The following ITPR1 variants were observed in gnomAD, a reference collection of about 807,000 sequenced individuals.
ITPR1 encodes the protein inositol 1,4,5-trisphosphate receptor type 1, also known as inositol 1,4,5-trisphosphate-gated calcium channel ITPR1.
ITPR1 carries 96 observed loss-of-function variants against 318.4 expected under a neutral mutation model. That is an observed-to-expected ratio of 0.30 (90% CI 0.26 to 0.36). ITPR1 has a LOEUF of 0.36. Ranked by LOEUF, ITPR1 falls within the 10% of genes least tolerant of loss-of-function variation. The probability of loss-of-function intolerance (pLI) is 1.00; values close to 1 mark genes in which losing one functional copy is unlikely to be tolerated. For missense variants in ITPR1, 2,440 were observed against 3,460.2 expected, an observed-to-expected ratio of 0.71 and a Z score of 7.40; for synonymous variants, 1,312 against 1,289.9, an observed-to-expected ratio of 1.02 and a Z score of -0.37.
rs114137259 is a variant in ITPR1 at position 4,814,101 on chromosome 3, G to A, written c.7562-322G>A. 4.1e-3 allele frequency among the ~76,000 whole-genome samples: 618 copies of A among 152,268 alleles called. 3 individuals carry two copies. The highest frequency in any genetic ancestry group is 0.014 in the African/African-American group (581 of 41,548). ...CAAGAGGCCTGTGACTCAGAGTTGC[G>A]AAGCAACTCATCTGACATGAAAAGA... On this transcript the variant is annotated intron_variant, in intron 57 of 61. Coordinates refer to ENST00000649015, the MANE Select transcript of ITPR1 (RefSeq NM_001378452.1).
intron 4 of ITPR1, among the ~76,000 whole-genome samples, chr3:4,611,232 A>C (rs867851331): frequency 0.015 from 1,296 of 86,344 alleles, 24 homozygotes; most frequent in African/African-American, 0.13. Context: ...TCATCTCTAC[A>C]AAAAAAAAAA....
In ITPR1 at chr3:4,846,208, C is replaced by G; in HGVS notation, c.8260C>G (p.Pro2754Ala). 1 of 1,559,378 alleles carries G rather than the reference C, an allele frequency of 6.4e-7. No homozygotes were observed. The highest frequency in any genetic ancestry group is 8.7e-7 in the Non-Finnish European group (1 of 1,149,144). Reference sequence around the variant, plus strand: ...ACATCCTCCTCACATGAATGTCAACCCACAACAACCAGCATAAGCAAATGA... The same window carrying G: ...ACATCCTCCTCACATGAATGTCAACGCACAACAACCAGCATAAGCAAATGA... ...LGHPPHMNVN[P>A]QQPA is the part of the protein sequence containing the mutation. The change falls in exon 62 of 62, where the codon CCA becomes GCA. Residue 2754 changes from proline to alanine, a missense_variant. Physicochemically the swap from Pro to Ala is conservative, Grantham distance 27. Around this residue, in one of 23 missense-constraint regions of ITPR1, gnomAD observed 63 missense variants for 63.4 expected, o/e 0.99. Transcript: ENST00000649015.
intron 40 of ITPR1, among the ~76,000 whole-genome samples, chr3:4,721,820 T>C (rs181287004): frequency 1.3e-3 from 192 of 152,338 alleles, no homozygotes; most frequent in Middle Eastern, 3.4e-3. Flanking sequence ...CCGCGATCTG[T>C]GCTGGTCTGT....
chr3:4,821,162 G>A (rs1234372131), intron 60 of ITPR1, among the ~76,000 whole-genome samples: 2 of 152,262 alleles, frequency 1.3e-5, no homozygotes, highest in Non-Finnish European at 2.9e-5. Context: ...GGCAGAGATG[G>A]AAGGAAAAGC....
At chr3:4,838,853 TG>T (rs1681423727) in intron 61 of ITPR1, among the ~76,000 whole-genome samples, 4 of 152,206 alleles carry the variant, frequency 2.6e-5, no homozygotes, top group Admixed American at 2.6e-4. Flanking sequence ...AAACTATTAA[TG>T]GGCATTCTGT....
intron 29 of ITPR1, 101 bp from the exon 30 acceptor site, chr3:4,684,968 C>T: frequency 8.8e-7 from 1 of 1,139,710 alleles, no homozygotes; most frequent in Admixed American, 2.2e-5. Flanking sequence ...GTTTTTAATG[C>T]ATTATAATCC....
At chr3:4,535,286 A>G (rs968837279) in intron 4 of ITPR1, among the ~76,000 whole-genome samples, 9 of 152,142 alleles carry the variant, frequency 5.9e-5, no homozygotes, top group African/African-American at 2.2e-4. Context: ...GCAAAATAAA[A>G]CATTCAGCAT....
At chr3:4,701,142 G>A (rs1394464571) in intron 35 of ITPR1, among the ~76,000 whole-genome samples, 1 of 152,284 alleles carries the variant, frequency 6.6e-6, no homozygotes, top group African/African-American at 2.4e-5. Flanking sequence ...TTTGTACACT[G>A]AGGTGTCAAA....
intron 34 of ITPR1, among the ~76,000 whole-genome samples, chr3:4,698,056 G>T (rs1031434641): frequency 7.2e-5 from 11 of 151,744 alleles, no homozygotes; most frequent in African/African-American, 2.4e-4. Context: ...ACTTCATTTG[G>T]TTTTGCATTG....
At chr3:4,587,092 C>T (rs2089982557) in intron 4 of ITPR1, among the ~76,000 whole-genome samples, 1 of 152,066 alleles carries the variant, frequency 6.6e-6, no homozygotes. Context: ...CTGGAGATTT[C>T]GACGACCGGC....
intron 3 of ITPR1, among the ~76,000 whole-genome samples, chr3:4,518,143 T>A (rs933038116): frequency 6.6e-6 from 1 of 152,110 alleles, no homozygotes; most frequent in African/African-American, 2.4e-5. Flanking sequence ...CCAGCTTCCT[T>A]GTCTGCCCGC....
At chr3:4,650,644 T>TGC (rs57689430) in intron 10 of ITPR1, among the ~76,000 whole-genome samples, 41 of 26,540 alleles carry the variant, frequency 1.5e-3, no homozygotes, top group Middle Eastern at 0.033. Flanking sequence ...TGTGTGTGTG[T>TGC]GCGCGCGTCT....
At chr3:4,593,746 A>G (rs2090578101) in intron 4 of ITPR1, among the ~76,000 whole-genome samples, 1 of 152,242 alleles carries the variant, frequency 6.6e-6, no homozygotes, top group South Asian at 2.1e-4. Context: ...GACTTGTATA[A>G]TATACCAGGA....
At chr3:4,547,796 C>A (rs1575490494) in intron 4 of ITPR1, among the ~76,000 whole-genome samples, 1 of 152,170 alleles carries the variant, frequency 6.6e-6, no homozygotes, top group Admixed American at 6.5e-5. Context: ...ACCACCCTTG[C>A]CCTTCCCTCC....
chr3:4,814,574 C>T lies in ITPR1; in HGVS notation c.7701+12C>T. ...AGCCGTCCAAAGAGGTAAATTAATC[C>T]CGAGGGGAAGGAAGGGCAAAGGGGG... On this transcript the variant is annotated intron_variant, in intron 58 of 61. Transcript: ENST00000649015. 2 of 1,552,768 alleles carry T rather than the reference C, an allele frequency of 1.3e-6. No individual in the cohort carries two copies. The highest frequency in any genetic ancestry group is 8.8e-7 in the Non-Finnish European group (1 of 1,136,098).
chr3:4,797,952 T>C (rs1463291055), intron 53 of ITPR1, among the ~76,000 whole-genome samples: 2 of 152,222 alleles, frequency 1.3e-5, no homozygotes, highest in Non-Finnish European at 2.9e-5. Flanking sequence ...CCTGCCCAAA[T>C]TCAGATTTCT....
At chr3:4,580,230 T>G (rs1368845003) in intron 4 of ITPR1, among the ~76,000 whole-genome samples, 1 of 151,986 alleles carries the variant, frequency 6.6e-6, no homozygotes, top group African/African-American at 2.4e-5. Context: ...CAAAAAACCT[T>G]TATTATTATT....
chr3:4,731,381 A>G (rs951773517), intron 42 of ITPR1, among the ~76,000 whole-genome samples: 1 of 152,214 alleles, frequency 6.6e-6, no homozygotes, highest in Non-Finnish European at 1.5e-5. Flanking sequence ...AAAAGTACTT[A>G]AAATATCACC....
Position 4,594,728 on chromosome 3 carries a change from C to T in ITPR1, c.164-33035C>T, listed in dbSNP as rs1034065795. On this transcript the variant is annotated intron_variant, in intron 4 of 61. Coordinates refer to ENST00000649015, the MANE Select transcript of ITPR1 (RefSeq NM_001378452.1). ...CACCTCCCACCCCCACCATGGCCGT[C>T]TCAGTCATGGATATCTGCAAGTGAG... is the stretch of plus-strand genomic sequence containing the variant. Among the ~76,000 whole-genome samples the T allele has an allele frequency of 2.6e-4, 40 of 152,032 alleles. 1 individual carries two copies. The highest frequency in any genetic ancestry group is 2.0e-3 in the Admixed American group (31 of 15,266).
Sources: gnomAD v4.1 joint callset for allele counts (sites outside exome capture counted in the v4.1 genomes callset) on GRCh38, gnomAD v4.1.1 for gene constraint, gnomAD v4.1.1 regional missense constraint, MANE v1.5 for transcripts, NCBI Gene and HGNC (gene_info 2026-07-23, HGNC 2026-07-21) for gene names.